The following GAS7 variants were observed in gnomAD, a reference collection of about 807,000 sequenced individuals.
The protein encoded by GAS7 is growth arrest-specific protein 7.
A neutral mutation model predicts 71.1 loss-of-function variants in GAS7; 28 were observed. The observed-to-expected ratio is 0.39, with a 90% CI of 0.29 to 0.54. The LOEUF (loss-of-function observed/expected upper bound fraction) is 0.54. Among genes scored for constraint, GAS7 ranks in the 20% least tolerant of loss-of-function variants. The probability of loss-of-function intolerance (pLI) is 0.62; values close to 1 mark genes in which losing one functional copy is unlikely to be tolerated. For missense variants in GAS7, 436 were observed against 627.8 expected, an observed-to-expected ratio of 0.69 and a Z score of 3.27; for synonymous variants, 258 against 245.8, an observed-to-expected ratio of 1.05 and a Z score of -0.46.
At chr17:10,009,709 C>T (rs1284808954) in intron 2 of GAS7, among the ~76,000 whole-genome samples, 3 of 144,838 alleles carry the variant, frequency 2.1e-5, no homozygotes, top group Non-Finnish European at 3.0e-5. Context: ...AAATAAAACA[C>T]TTTTTTTTTT....
intron 5 of GAS7, among the ~76,000 whole-genome samples, chr17:9,957,560 G>C (rs1394366815): frequency 6.6e-6 from 1 of 152,090 alleles, no homozygotes; most frequent in Non-Finnish European, 1.5e-5. Flanking sequence ...ATTCAAATAT[G>C]TCTCCCACTC....
In GAS7 at chr17:9,981,791, C is replaced by G. The variant is rs778947856; in HGVS notation, c.385+13G>C. The G allele has an allele frequency of 7.4e-6, 11 of 1,489,776 alleles. No individual in the cohort carries two copies. In the South Asian group the frequency reaches 1.2e-4, roughly 17 times the overall value. 92.3% of individuals were successfully genotyped at this position (1,489,776 alleles called of 1,614,324 possible). On this transcript the variant is annotated intron_variant, in intron 3 of 13. Coordinates refer to ENST00000432992, the MANE Select transcript of GAS7 (RefSeq NM_201433.2). This position sits in a 1 kb window ranked among gnomAD's most constrained non-coding sequence, Gnocchi z 4.4. ...GCCCTCCCAGTTGCCCCAAAGCAGA[C>G]AGCGGACATTACCTGTTGGAGGCAG...
At position 9,915,750 on chromosome 17, in the gene GAS7, G is replaced by A. The variant is rs1328897188; in HGVS notation, c.*1478C>T. ...CAAACCCAAAGTGGTCAATGGGAAAGATGAAGAAAGATGGATTTCCAGGGC... is the reference window on the plus strand; with the variant it reads ...CAAACCCAAAGTGGTCAATGGGAAAAATGAAGAAAGATGGATTTCCAGGGC... On this transcript the variant is annotated 3_prime_UTR_variant, in exon 14 of 14. Coordinates refer to ENST00000432992, the MANE Select transcript of GAS7 (RefSeq NM_201433.2). The A allele has an allele frequency of 4.3e-6, 1 of 230,890 alleles. No homozygotes were observed. The highest frequency in any genetic ancestry group is 5.6e-5 in the Admixed American group (1 of 17,726). The allele number at this position is 230,890 out of a possible 1,614,324, so 14.3% of individuals were successfully genotyped here.
At chr17:10,025,254 T>C (rs1338807532) in intron 1 of GAS7, among the ~76,000 whole-genome samples, 1 of 151,852 alleles carries the variant, frequency 6.6e-6, no homozygotes, top group Non-Finnish European at 1.5e-5. Flanking sequence ...AATTAATTAA[T>C]TAATTAATTA....
At chr17:10,061,749 C>G (rs1229558894) in intron 1 of GAS7, among the ~76,000 whole-genome samples, 2 of 152,140 alleles carry the variant, frequency 1.3e-5, no homozygotes, top group Non-Finnish European at 2.9e-5. Flanking sequence ...GCCCCTGGTT[C>G]ATTTCTCCCA....
chr17:10,025,436 A>G (rs1426232311), intron 1 of GAS7, among the ~76,000 whole-genome samples: 1 of 151,842 alleles, frequency 6.6e-6, no homozygotes, highest in Non-Finnish European at 1.5e-5. Flanking sequence ...CCAGTCCCCA[A>G]GTGAGCATAT....
intron 1 of GAS7, among the ~76,000 whole-genome samples, chr17:10,153,077 C>A (rs575690827): frequency 4.3e-4 from 64 of 149,358 alleles, no homozygotes; most frequent in African/African-American, 1.5e-3. Context: ...GGCATAGTGG[C>A]GGGCACCTGT....
chr17:10,036,517 C>T (rs2072755729), intron 1 of GAS7: 5 of 1,608,274 alleles, frequency 3.1e-6, no homozygotes, highest in South Asian at 2.2e-5. Flanking sequence ...AGACTCAGCA[C>T]CAAGACTCCG....
intron 2 of GAS7, among the ~76,000 whole-genome samples, chr17:10,016,731 T>G (rs186866165): frequency 4.5e-4 from 66 of 146,790 alleles, no homozygotes; most frequent in Admixed American, 1.4e-3. Context: ...CTGGGTAACA[T>G]GGCAAAACAT....
chr17:10,160,858 G>GGCA (rs2142118435), intron 1 of GAS7, among the ~76,000 whole-genome samples: 2 of 151,874 alleles, frequency 1.3e-5, no homozygotes, highest in South Asian at 4.2e-4. Flanking sequence ...GGGAACTGCT[G>GGCA]GCATGAGCCA....
chr17:10,042,155 C>T (rs61407364), intron 1 of GAS7, among the ~76,000 whole-genome samples: 48,261 of 151,806 alleles, frequency 0.32, 7,845 homozygotes, highest in Middle Eastern at 0.38. Flanking sequence ...ATTAGCTGGG[C>T]GTGGTGGCAC....
chr17:9,914,126 A>G lies in GAS7; in HGVS notation c.*3102T>C, dbSNP rs1182489055. ...CAGAAACGGGCCCCTGTTCATACGG[A>G]TAGGGGTTCTGGACTGTTGACTCTA... On this transcript the variant is annotated 3_prime_UTR_variant, in exon 14 of 14. Transcript: ENST00000432992. 4.4e-6 allele frequency: 1 copy of G among 226,532 alleles called. No individual in the cohort carries two copies. Among genetic ancestry groups the G allele is most frequent in the Non-Finnish European group, 8.8e-6 (1 of 113,938 alleles). The allele number at this position is 226,532 out of a possible 1,614,324, so 14.0% of individuals were successfully genotyped here.
At chr17:9,946,809 G>A in intron 6 of GAS7, 85 bp downstream of exon 6, 1 of 766,204 alleles carries the variant, frequency 1.3e-6, no homozygotes. Flanking sequence ...CCTCCACTTT[G>A]AGATCCAGGT....
intron 2 of GAS7, among the ~76,000 whole-genome samples, chr17:9,986,988 C>T (rs896145642): frequency 6.6e-6 from 1 of 152,194 alleles, no homozygotes; most frequent in African/African-American, 2.4e-5. Context: ...ACCATACTAC[C>T]CACAGGGAGG....
At chr17:10,092,556 G>A (rs1009574307) in intron 1 of GAS7, among the ~76,000 whole-genome samples, 10 of 152,338 alleles carry the variant, frequency 6.6e-5, no homozygotes, top group African/African-American at 2.4e-4. Flanking sequence ...CATCTTGGCA[G>A]GTGAGCGTTC....
chr17:10,195,334 C>A (rs985191552), intron 1 of GAS7, among the ~76,000 whole-genome samples: 1 of 152,184 alleles, frequency 6.6e-6, no homozygotes, highest in African/African-American at 2.4e-5. Context: ...CTGGGTCTCT[C>A]GGTTCCCCTT....
intron 5 of GAS7, among the ~76,000 whole-genome samples, chr17:9,957,439 C>T (rs2069290567): frequency 6.6e-6 from 1 of 152,224 alleles, no homozygotes; most frequent in Admixed American, 6.5e-5. Flanking sequence ...AAGATGGACT[C>T]CAGCAGGTGC....
At chr17:10,000,559 C>T (rs1411311224) in intron 2 of GAS7, among the ~76,000 whole-genome samples, 1 of 152,182 alleles carries the variant, frequency 6.6e-6, no homozygotes, top group Admixed American at 6.5e-5. Context: ...CGCAACAGGG[C>T]AGATTCACTG....
chr17:9,997,253 C>CGGG (rs371944232), intron 2 of GAS7, among the ~76,000 whole-genome samples: 373 of 37,130 alleles, frequency 0.01, 4 homozygotes, highest in African/African-American at 0.022. Context: ...CGGGTGGGGG[C>CGGG]GGGGGCGGTG....
Sources: gnomAD v4.1 joint callset for allele counts (sites outside exome capture counted in the v4.1 genomes callset) on GRCh38, gnomAD v4.1.1 for gene constraint, Gnocchi (gnomAD v3.1) non-coding constraint, MANE v1.5 for transcripts, NCBI Gene and HGNC (gene_info 2026-07-23, HGNC 2026-07-21) for gene names.